Variants in TNRC6C observed in about 807,000 individuals in gnomAD.
The protein encoded by TNRC6C is trinucleotide repeat-containing gene 6C protein.
TNRC6C carries 20 observed loss-of-function variants against 153.7 expected under a neutral mutation model. The observed-to-expected ratio is 0.13, with a 90% CI of 0.09 to 0.19. TNRC6C has a LOEUF of 0.19. TNRC6C is among the 10% of genes least tolerant of loss of function. TNRC6C has a pLI of 1.00. For missense variants in TNRC6C, 1,987 were observed against 2,172.0 expected, an observed-to-expected ratio of 0.91 and a Z score of 1.69; for synonymous variants, 811 against 841.4, an observed-to-expected ratio of 0.96 and a Z score of 0.63.
Position 78,025,080 on chromosome 17 carries a change from C to T in TNRC6C, c.-545-6436C>T, listed in dbSNP as rs539464986. 4.6e-5 allele frequency among the ~76,000 whole-genome samples: 7 copies of T among 152,190 alleles called. No homozygotes were observed. In the South Asian group the frequency reaches 1.2e-3, roughly 27 times the overall value. On this transcript the variant is annotated intron_variant, in intron 1 of 19. Transcript: ENST00000301624. ...TGCTGGGATTACAGGCATGAGTCAC[C>T]GCGCCCGGCCAATACATTATTATTA...
chr17:78,054,972 C>T (rs2072623180), intron 3 of TNRC6C, among the ~76,000 whole-genome samples: 1 of 152,144 alleles, frequency 6.6e-6, no homozygotes, highest in African/African-American at 2.4e-5. Flanking sequence ...CTGCGGACTA[C>T]TGTACGCTAC....
At chr17:78,092,877 G>T in intron 14 of TNRC6C, 56 bp from the exon 17 acceptor site, 2 of 1,536,126 alleles carry the variant, frequency 1.3e-6, no homozygotes, top group South Asian at 1.2e-5. Flanking sequence ...GTATCTTCTG[G>T]TGTCTCTCAA....
In TNRC6C at chr17:78,097,873, GC is replaced by G; in HGVS notation, c.4307-468del. 3.3e-6 allele frequency: 5 copies of G among 1,514,358 alleles called. No individual in the cohort carries two copies. The highest frequency in any genetic ancestry group is 4.4e-6 in the Non-Finnish European group (5 of 1,126,800). 93.8% of individuals were successfully genotyped at this position (1,514,358 alleles called of 1,614,324 possible). ...ACCTAGTGTTGCAGGTACGCGCCTG[GC>G]CTCTAGACTTGCAGGTAGCATTTTC... On this transcript the variant is annotated intron_variant, in intron 16 of 19. Coordinates refer to ENST00000301624, the Ensembl canonical transcript of TNRC6C.
At chr17:78,076,085 A>G (rs117887293) in intron 8 of TNRC6C, among the ~76,000 whole-genome samples, 80 of 152,116 alleles carry the variant, frequency 5.3e-4, no homozygotes, top group Non-Finnish European at 9.6e-4. Flanking sequence ...GCATGGTGGC[A>G]CACGCCTGTG....
chr17:78,103,350 TGGAAGGC>T, intron 18 of TNRC6C, 57 bp from the exon 22 acceptor site: 1 of 1,586,394 alleles, frequency 6.3e-7, no homozygotes, highest in African/African-American at 1.3e-5. Context: ...GTTTTTTCTT[TGGAAGGC>T]TGTAGTGAAA....
chr17:78,036,817 G>A (rs1279853872), intron 2 of TNRC6C, among the ~76,000 whole-genome samples: 3 of 151,530 alleles, frequency 2.0e-5, no homozygotes, highest in Non-Finnish European at 4.4e-5. Context: ...CCAGCTACTC[G>A]GGAGGCTGAG....
In TNRC6C at chr17:78,075,434, CAAAG is replaced by C. The variant is rs2073068071; in HGVS notation, c.3060+159_3060+162del. 5.9e-6 allele frequency: 5 copies of C among 841,542 alleles called. No individual in the cohort carries two copies. In the East Asian group the frequency reaches 8.1e-5, roughly 14 times the overall value. 52.1% of individuals were successfully genotyped at this position (841,542 alleles called of 1,614,324 possible). The stretch of plus-strand genomic sequence containing the variant: ...TTTCTAACATTATGAACATTTAACT[CAAAG>C]AAGGGAATGTCGTATTTCATAAGAT... On this transcript the variant is annotated intron_variant, in intron 8 of 19. Coordinates refer to ENST00000301624, the Ensembl canonical transcript of TNRC6C. This position sits in a 1 kb window ranked among gnomAD's most constrained non-coding sequence, Gnocchi z 4.2.
chr17:78,010,997 C>A (rs2071619587), intron 1 of TNRC6C, among the ~76,000 whole-genome samples: 1 of 152,224 alleles, frequency 6.6e-6, no homozygotes, highest in South Asian at 2.1e-4. Context: ...GGCACTTCTC[C>A]TGAGTCTCAG....
At chr17:78,029,033 T>A (rs1352777902) in intron 1 of TNRC6C, among the ~76,000 whole-genome samples, 1 of 152,208 alleles carries the variant, frequency 6.6e-6, no homozygotes, top group East Asian at 1.9e-4. Flanking sequence ...ACTCTTCTGC[T>A]CCTTTTTTAA....
chr17:78,037,181 T>G (rs1254485028), intron 2 of TNRC6C, among the ~76,000 whole-genome samples: 2 of 152,234 alleles, frequency 1.3e-5, no homozygotes, highest in Non-Finnish European at 2.9e-5. Flanking sequence ...TTTCACTCTT[T>G]TTCCTTTTCT....
At chr17:77,989,818 C>T (rs2071223103) in intron 1 of TNRC6C, among the ~76,000 whole-genome samples, 1 of 152,164 alleles carries the variant, frequency 6.6e-6, no homozygotes, top group Non-Finnish European at 1.5e-5. Flanking sequence ...TGCTGTTGTT[C>T]CTTAAGCCCC....
chr17:78,013,470 T>G (rs1259875953), intron 1 of TNRC6C, among the ~76,000 whole-genome samples: 1 of 152,220 alleles, frequency 6.6e-6, no homozygotes, highest in Non-Finnish European at 1.5e-5. Context: ...CTGAGCTAAC[T>G]AATCATTTGA....
intron 1 of TNRC6C, 103 bp downstream of exon 3, chr17:78,005,182 TAAG>T: frequency 1.4e-6 from 1 of 725,690 alleles, no homozygotes; most frequent in South Asian, 7.2e-5. Context: ...AACGAGAATC[TAAG>T]CCTGCCTTTG....
intron 2 of TNRC6C, among the ~76,000 whole-genome samples, chr17:78,043,904 T>C (rs1242327139): frequency 6.6e-6 from 1 of 152,220 alleles, no homozygotes; most frequent in Non-Finnish European, 1.5e-5. Context: ...ATCTTATTCT[T>C]TTTATGGCTG....
At chr17:78,025,973 A>C (rs1180379258) in intron 1 of TNRC6C, among the ~76,000 whole-genome samples, 1 of 152,158 alleles carries the variant, frequency 6.6e-6, no homozygotes, top group Non-Finnish European at 1.5e-5. Context: ...CAGCTAGTCT[A>C]AACCTTTCAT....
chr17:78,014,981 G>T lies in TNRC6C; in HGVS notation c.-546+9902G>T, dbSNP rs140085332. Among the ~76,000 whole-genome samples the T allele has an allele frequency of 4.1e-4, 62 of 152,248 alleles. 2 individuals carry two copies. The East Asian group carries it at 0.012, about 29-fold the overall frequency. On this transcript the variant is annotated intron_variant, in intron 1 of 19. Transcript: ENST00000301624. ...GTTTGCTGCTGTATAGGCTGCAGAA[G>T]AAATTGTAATAACAAAAATATTCCT...
At chr17:78,006,501 CTT>C (rs2071503266) in intron 1 of TNRC6C, among the ~76,000 whole-genome samples, 1 of 27,254 alleles carries the variant, frequency 3.7e-5, no homozygotes, top group Non-Finnish European at 8.2e-5. Flanking sequence ...CTTTCTTCTT[CTT>C]CTTCTTCTTC....
intron 2 of TNRC6C, among the ~76,000 whole-genome samples, chr17:78,037,668 G>T (rs1014547370): frequency 1.2e-4 from 19 of 152,256 alleles, no homozygotes; most frequent in African/African-American, 4.6e-4. Flanking sequence ...GGGGGCAGTG[G>T]GAAGATGTAA....
intron 1 of TNRC6C, among the ~76,000 whole-genome samples, chr17:78,024,346 G>GT (rs1038337870): frequency 2.8e-4 from 42 of 151,674 alleles, no homozygotes; most frequent in East Asian, 7.7e-4. Context: ...ATTTAGAGCA[G>GT]TTTTTTTTGG....
Sources: gnomAD v4.1 joint callset for allele counts (sites outside exome capture counted in the v4.1 genomes callset) on GRCh38, gnomAD v4.1.1 for gene constraint, Gnocchi (gnomAD v3.1) non-coding constraint, MANE v1.5 for transcripts, NCBI Gene and HGNC (gene_info 2026-07-23, HGNC 2026-07-21) for gene names.